Variants in PEAK1 observed in about 807,000 individuals in gnomAD.
The protein encoded by PEAK1 is pseudopodium enriched atypical kinase 1, also known as inactive tyrosine-protein kinase PEAK1.
PEAK1 carries 54 observed loss-of-function variants against 124.7 expected under a neutral mutation model. That is an observed-to-expected ratio of 0.43 (90% confidence interval 0.35 to 0.54). PEAK1 has a LOEUF of 0.54. Ranked by LOEUF, PEAK1 falls within the 20% of genes least tolerant of loss-of-function variation. The pLI is 0.01. For synonymous variants in PEAK1, 719 were observed against 760.0 expected (o/e 0.95, Z 0.89); for missense variants, 2,046 against 2,134.5 (o/e 0.96, Z 0.82).
chr15:77,408,212 A>G (rs1269003485), intron 1 of PEAK1, among the ~76,000 whole-genome samples: 1 of 151,768 alleles, frequency 6.6e-6, no homozygotes, highest in Non-Finnish European at 1.5e-5. Flanking sequence ...TCAGCCATAA[A>G]AAAGAACAAA....
chr15:77,240,859 T>C (rs1445432254), intron 6 of PEAK1, among the ~76,000 whole-genome samples: 2 of 152,168 alleles, frequency 1.3e-5, no homozygotes, highest in East Asian at 1.9e-4. Flanking sequence ...GAGTATTCAA[T>C]GTCATTATTC....
intron 6 of PEAK1, among the ~76,000 whole-genome samples, chr15:77,202,768 CA>C (rs776272925): frequency 1.5e-3 from 199 of 135,954 alleles, no homozygotes; most frequent in South Asian, 7.1e-3. Flanking sequence ...GACTCCATCT[CA>C]AAAAAAAAAA....
At chr15:77,216,372 G>A (rs749571557) in intron 6 of PEAK1, among the ~76,000 whole-genome samples, 1 of 152,184 alleles carries the variant, frequency 6.6e-6, no homozygotes, top group Non-Finnish European at 1.5e-5. Flanking sequence ...GTCTGAATGG[G>A]ATCTAGTTTA....
chr15:77,278,958 G>T (rs538818635), intron 5 of PEAK1, among the ~76,000 whole-genome samples: 1 of 149,070 alleles, frequency 6.7e-6, no homozygotes, highest in African/African-American at 2.5e-5. Context: ...TCAGCCTCCC[G>T]AGTAGCTGGG....
intron 8 of PEAK1, among the ~76,000 whole-genome samples, chr15:77,136,089 G>C (rs1394589906): frequency 2.0e-5 from 3 of 152,208 alleles, no homozygotes; most frequent in Admixed American, 6.5e-5. Flanking sequence ...GAATGGCTTT[G>C]ACAAAAGTGC....
intron 5 of PEAK1, 23 bp downstream of exon 5, chr15:77,283,860 C>G: frequency 1.0e-6 from 1 of 967,906 alleles, no homozygotes; most frequent in Non-Finnish European, 1.2e-6. Context: ...ACTCATAGAC[C>G]TTATTACTTG....
intron 2 of PEAK1, among the ~76,000 whole-genome samples, chr15:77,292,689 G>A (rs1242740421): frequency 6.6e-6 from 1 of 152,062 alleles, no homozygotes; most frequent in Non-Finnish European, 1.5e-5. Context: ...TATTACAAAA[G>A]CACCGTAAGT....
intron 6 of PEAK1, among the ~76,000 whole-genome samples, chr15:77,192,673 G>A (rs2057896102): frequency 6.6e-6 from 1 of 152,158 alleles, no homozygotes; most frequent in Non-Finnish European, 1.5e-5. Context: ...GCCCTTGTGG[G>A]TGCCAGAGCA....
intron 6 of PEAK1, among the ~76,000 whole-genome samples, chr15:77,225,207 G>A (rs2059575394): frequency 6.6e-6 from 1 of 151,982 alleles, no homozygotes; most frequent in African/African-American, 2.4e-5. Flanking sequence ...TCTCAGCTCA[G>A]GCAATCTCAT....
intron 6 of PEAK1, among the ~76,000 whole-genome samples, chr15:77,237,055 G>C (rs2060156562): frequency 6.6e-6 from 1 of 152,108 alleles, no homozygotes; most frequent in African/African-American, 2.4e-5. Flanking sequence ...GCTGCACCTG[G>C]CTAGAAAATA....
intron 5 of PEAK1, among the ~76,000 whole-genome samples, chr15:77,268,082 A>G (rs984182265): frequency 1.3e-5 from 2 of 152,340 alleles, no homozygotes; most frequent in African/African-American, 4.8e-5. Flanking sequence ...AATGCCTCAG[A>G]AATAGAACTG....
At chr15:77,194,022 T>C (rs1437703238) in intron 6 of PEAK1, among the ~76,000 whole-genome samples, 1 of 152,168 alleles carries the variant, frequency 6.6e-6, no homozygotes, top group Non-Finnish European at 1.5e-5. Context: ...GGCTGCCTAC[T>C]AGACCTTTCC....
intron 6 of PEAK1, among the ~76,000 whole-genome samples, chr15:77,232,439 C>A (rs1208066298): frequency 6.6e-6 from 1 of 152,098 alleles, no homozygotes; most frequent in Non-Finnish European, 1.5e-5. Context: ...ATATATTTAC[C>A]TTTCCATTTT....
chr15:77,259,793 A>C (rs1402019596), intron 5 of PEAK1, among the ~76,000 whole-genome samples: 3 of 152,214 alleles, frequency 2.0e-5, no homozygotes, highest in Admixed American at 2.0e-4. Flanking sequence ...TCAGCCAGAA[A>C]GAAATTTACC....
rs1037264196 is a variant in PEAK1 at position 77,110,548 on chromosome 15, C to T, written c.*3608G>A. 2.6e-5 allele frequency: 4 copies of T among 152,216 alleles called. No homozygotes were observed. The highest frequency in any genetic ancestry group is 9.7e-5 in the African/African-American group (4 of 41,450). 9.4% of individuals were successfully genotyped at this position (152,216 alleles called of 1,614,324 possible). A position where few individuals can be genotyped will look rare whatever the true frequency, so the allele number is the denominator to read the frequency against. On this transcript the variant is annotated 3_prime_UTR_variant, in exon 10 of 10. Transcript: ENST00000682557. ...AGTTTGGAAGCAAAAGTGACCCCCA[C>T]TTAATCTGATAATGGGAGGCTACTC...
At chr15:77,246,323 T>C (rs573551924) in intron 6 of PEAK1, among the ~76,000 whole-genome samples, 19 of 152,172 alleles carry the variant, frequency 1.2e-4, no homozygotes, top group African/African-American at 4.3e-4. Flanking sequence ...GGACTTTTGA[T>C]AGGGATTTTA....
intron 2 of PEAK1, among the ~76,000 whole-genome samples, chr15:77,331,491 T>A (rs2065889099): frequency 6.6e-6 from 1 of 152,226 alleles, no homozygotes; most frequent in African/African-American, 2.4e-5. Flanking sequence ...TATCCTTGTA[T>A]ACACAGAATA....
At chr15:77,146,844 T>A (rs563095441) in intron 8 of PEAK1, among the ~76,000 whole-genome samples, 21 of 152,282 alleles carry the variant, frequency 1.4e-4, no homozygotes, top group African/African-American at 4.6e-4. Context: ...TAATTTTTTT[T>A]AAAAAGCTGG....
At chr15:77,225,873 T>C (rs1295114146) in intron 6 of PEAK1, among the ~76,000 whole-genome samples, 1 of 146,614 alleles carries the variant, frequency 6.8e-6, no homozygotes, top group Non-Finnish European at 1.5e-5. Flanking sequence ...AATGTGTATT[T>C]CATAAGAGAA....
Sources: allele counts gnomAD v4.1 joint callset (sites outside exome capture counted in the v4.1 genomes callset), GRCh38; gene constraint gnomAD v4.1.1; transcripts MANE v1.5; gene names NCBI Gene and HGNC (gene_info 2026-07-23, HGNC 2026-07-21).